TH: variants seen among roughly 807,000 people sequenced by gnomAD.
The protein encoded by TH is tyrosine 3-monooxygenase.
Under a neutral mutation model 57.4 loss-of-function variants are expected in TH, and 49 were observed. The ratio of observed to expected loss-of-function variants is 0.85; its 90% CI spans 0.68 to 1.08. The LOEUF is 1.08. TH is among the 50% of genes least tolerant of loss of function. The pLI is 0.00. For synonymous variants in TH, 330 were observed against 304.5 expected, an observed-to-expected ratio of 1.08 and a Z score of -0.87; for missense variants, 720 against 696.7, an observed-to-expected ratio of 1.03 and a Z score of -0.38.
At chr11:2,169,578 G>T (rs1372455397) in intron 2 of TH, 72 bp downstream of exon 2, 4 of 1,489,122 alleles carry the variant, frequency 2.7e-6, no homozygotes, top group Admixed American at 1.7e-5. Context: ...CTATAGAGGG[G>T]TCAGGAACTC....
rs753632777 is a variant in TH at position 2,164,237 on chromosome 11, C to A, written c.1490G>T (p.Gly497Val). ...DTLAHALSAI[G>V] Reference sequence around the variant, plus strand: ...GCCCTCAGGGACGCCGTGCACCTAGCCAATGGCACTCAGCGCATGGGCAAG... The same window carrying A: ...GCCCTCAGGGACGCCGTGCACCTAGACAATGGCACTCAGCGCATGGGCAAG... The change falls in exon 13 of 13, where the codon GGC becomes GTC. Residue 497 changes from glycine (G) to valine (V), a missense_variant. Transcript: ENST00000352909. The A allele has an allele frequency of 6.8e-7, 1 of 1,461,064 alleles. No individual in the cohort carries two copies. The highest frequency in any genetic ancestry group is 9.1e-7 in the Non-Finnish European group (1 of 1,102,300). The allele number at this position is 1,461,064 out of a possible 1,614,324, so 90.5% of individuals were successfully genotyped here.
chr11:2,165,351 C>T lies in TH; in HGVS notation c.1215G>A (p.Glu405=), dbSNP rs1590165298. 7 of 1,611,164 alleles carry T rather than the reference C, an allele frequency of 4.3e-6. No homozygotes were observed. The highest frequency in any genetic ancestry group is 4.5e-5 in the East Asian group (2 of 44,872). ...GGTCGAAGGCCCGAATCTCAGGCTC[C>T]TCAGACAGGCAGTGCTGGCAGGAGG... The part of the protein sequence containing the change: ...SYGELLHCLS[E]EPEIRAFDPE... Residue 405 remains glutamate (E), a synonymous_variant, in exon 12 of 13, where the codon GAG becomes GAA. Transcript: ENST00000352909.
Position 2,164,252 on chromosome 11 carries a change from G to T in TH, c.1475C>A (p.Ala492Glu). The T allele has an allele frequency of 1.3e-6, 2 of 1,481,978 alleles. No homozygotes were observed. The highest frequency in any genetic ancestry group is 5.0e-5 in the East Asian group (2 of 40,142). The allele number at this position is 1,481,978 out of a possible 1,614,324, so 91.8% of individuals were successfully genotyped here. Residue 492 changes from alanine (A) to glutamate (E), a missense_variant, in exon 13 of 13, where the codon GCG (alanine) becomes GAG (glutamate). Transcript: ENST00000352909. ...GTGCACCTAGCCAATGGCACTCAGC[G>T]CATGGGCAAGGGTGTCCAGCTCATC... is the stretch of plus-strand genomic sequence containing the variant. ...VQDELDTLAH[A>E]LSAIG
chr11:2,165,659 G>T lies in TH; in HGVS notation c.1200+9C>A. The stretch of plus-strand genomic sequence containing the variant: ...TCTGCTGGGGGCTGCAGCAAGGAGA[G>T]ACTCTCACCAGGAGCTCCCCGTAGG... On this transcript the variant is annotated intron_variant, in intron 11 of 12. Transcript: ENST00000352909. The T allele has an allele frequency of 6.2e-7, 1 of 1,612,440 alleles. No homozygotes were observed. Among genetic ancestry groups the T allele is most frequent in the South Asian group, 1.1e-5 (1 of 91,068 alleles).
intron 2 of TH, among the ~76,000 whole-genome samples, chr11:2,168,936 G>A (rs941353352): frequency 2.0e-5 from 3 of 152,158 alleles, no homozygotes; most frequent in Non-Finnish European, 2.9e-5. Context: ...TGGGCGGCTC[G>A]GTGTGTGTGT....
At position 2,169,759 on chromosome 11, in the gene TH, AG is replaced by A; in HGVS notation, c.202del (p.Leu68TrpfsTer15). The A allele has an allele frequency of 1.9e-6, 3 of 1,612,368 alleles. No individual in the cohort carries two copies. Among genetic ancestry groups the A allele is most frequent in the South Asian group, 1.1e-5 (1 of 91,064 alleles). On this transcript the variant is annotated frameshift_variant, in exon 2 of 13. Transcript: ENST00000352909. LOFTEE classifies it high-confidence loss of function. ...AAVPSEPGDP[L>X]EAVAFEEKEG... ...CTTCTCCTCAAAGGCCACAGCCTCCAGGGGGTCCCCGGGCTCCGAGGGGACT... is the reference window on the plus strand; with the variant it reads ...CTTCTCCTCAAAGGCCACAGCCTCCAGGGGTCCCCGGGCTCCGAGGGGACT...
rs1031644143 is a variant in TH at position 2,169,865 on chromosome 11, G to A, written c.97C>T (p.Arg33Trp). The A allele has an allele frequency of 3.6e-5, 58 of 1,609,186 alleles. No individual in the cohort carries two copies. The Admixed American group carries it at 3.7e-4, about 10-fold the overall frequency. ...AKQAEAIMSPRFIGRRQSLIE... is the reference protein window; with the variant it reads ...AKQAEAIMSPWFIGRRQSLIE... ...AGGCTCTGCCTGCGCCCAATGAACC[G>A]CGGGGACTGTGGGGACAAGGGGCAC... Residue 33 changes from arginine to tryptophan, a missense_variant, in exon 2 of 13, where the codon CGG becomes TGG. By Grantham distance (101) the Arg-to-Trp change is moderately radical (BLOSUM62 -3). Coordinates refer to ENST00000352909, the MANE Select transcript of TH (RefSeq NM_000360.4).
Position 2,170,860 on chromosome 11 carries a change from A to G in TH, c.90+837T>C. ...GGGAGGGCGCCCTGTGTCCCTGAGAAGGTACCTGGAAATGACACTGCTACA... is the reference window on the plus strand; with the variant it reads ...GGGAGGGCGCCCTGTGTCCCTGAGAGGGTACCTGGAAATGACACTGCTACA... On this transcript the variant is annotated intron_variant, in intron 1 of 12. Coordinates refer to ENST00000352909, the MANE Select transcript of TH (RefSeq NM_000360.4). The surrounding 1 kb of genome is among the most constrained non-coding windows in gnomAD (Gnocchi z 6.0). 1 of 652,612 alleles carries G rather than the reference A, an allele frequency of 1.5e-6. No individual in the cohort carries two copies. The highest frequency in any genetic ancestry group is 2.7e-5 in the Admixed American group (1 of 37,222). The allele number at this position is 652,612 out of a possible 1,614,324, so 40.4% of individuals were successfully genotyped here.
chr11:2,164,980 G>A (rs1182431302), intron 12 of TH, among the ~76,000 whole-genome samples: 1 of 152,184 alleles, frequency 6.6e-6, no homozygotes, highest in Non-Finnish European at 1.5e-5. Flanking sequence ...CTCAGGCTCT[G>A]TCAGCACCTC....
chr11:2,168,332 C>T (rs545034119), intron 3 of TH, among the ~76,000 whole-genome samples, 153 bp from the exon 4 acceptor site: 3 of 152,180 alleles, frequency 2.0e-5, no homozygotes, highest in South Asian at 2.1e-4. Flanking sequence ...GCCCCAGGCC[C>T]GGACACGGAT....
chr11:2,165,476 TC>T, intron 11 of TH, 111 bp from the exon 12 acceptor site: 1 of 1,527,208 alleles, frequency 6.5e-7, no homozygotes, highest in Non-Finnish European at 9.0e-7. Context: ...CACCCCCATC[TC>T]CCCCGCCGGG....
intron 2 of TH, among the ~76,000 whole-genome samples, chr11:2,169,241 G>A (rs1201339041): frequency 6.6e-6 from 1 of 152,136 alleles, no homozygotes; most frequent in African/African-American, 2.4e-5. Context: ...TGCCTCCCGG[G>A]GCACAGTGGG....
chr11:2,165,441 G>A (rs1288829859), intron 11 of TH, 76 bp from the exon 12 acceptor site: 95 of 1,593,344 alleles, frequency 6.0e-5, no homozygotes, highest in Middle Eastern at 1.8e-4. Flanking sequence ...GTGGCCTGAC[G>A]CTGGGTGGGT....
intron 6 of TH, 119 bp from the exon 7 acceptor site, chr11:2,167,151 C>T (rs1218779885): frequency 7.0e-7 from 1 of 1,428,906 alleles, no homozygotes; most frequent in East Asian, 2.5e-5. Context: ...TCTTGGGGAC[C>T]CCTGAAGACC....
In TH at chr11:2,170,880, G is replaced by A. The variant is rs899021518; in HGVS notation, c.90+817C>T. 15 of 621,188 alleles carry A rather than the reference G, an allele frequency of 2.4e-5. No homozygotes were observed. Among genetic ancestry groups the A allele is most frequent in the African/African-American group, 2.4e-4 (13 of 54,256 alleles). 38.5% of individuals were successfully genotyped at this position (621,188 alleles called of 1,614,324 possible). A position where few individuals can be genotyped will look rare whatever the true frequency, so the allele number is the denominator to read the frequency against. On this transcript the variant is annotated intron_variant, in intron 1 of 12. Transcript: ENST00000352909. The surrounding 1 kb of genome is among the most constrained non-coding windows in gnomAD (Gnocchi z 6.0). ...TGAGAAGGTACCTGGAAATGACACT[G>A]CTACAACTCACACCACATTTCAATC...
chr11:2,169,181 G>C, intron 2 of TH, among the ~76,000 whole-genome samples: 1 of 152,124 alleles, frequency 6.6e-6, no homozygotes, highest in South Asian at 2.1e-4. Context: ...GGGGGGCGGG[G>C]AGTCTGGCTT....
Position 2,170,799 on chromosome 11 carries a change from T to C in TH, c.90+898A>G. ...GGGAGGGGATGCCTGATGGGGAGCC[T>C]GGTGGGGGAGGGTAGGGGAGGGCGG... On this transcript the variant is annotated intron_variant, in intron 1 of 12. Transcript: ENST00000352909. The surrounding 1 kb of genome is among the most constrained non-coding windows in gnomAD (Gnocchi z 6.0). 1.2e-5 allele frequency: 1 copy of C among 85,078 alleles called. No individual in the cohort carries two copies. The highest frequency in any genetic ancestry group is 1.7e-5 in the Non-Finnish European group (1 of 58,062). The allele number at this position is 85,078 out of a possible 1,614,324, so 5.3% of individuals were successfully genotyped here.
At position 2,169,681 on chromosome 11, in the gene TH, G is replaced by C; in HGVS notation, c.281C>G (p.Ser94Trp). The part of the protein sequence containing the change: ...LLFSPRATKP[S>W]ALSRAVKVFE... Reference sequence around the variant, plus strand: ...CACCTTCACAGCTCGGGACAGCGCCGAGGGCTTGGTGGCCCTCGGGGAGAA... The same window carrying C: ...CACCTTCACAGCTCGGGACAGCGCCCAGGGCTTGGTGGCCCTCGGGGAGAA... Residue 94 changes from serine (S) to tryptophan (W), a missense_variant, in exon 2 of 13, where the codon TCG (serine) becomes TGG (tryptophan). Ser to Trp is a radical substitution (Grantham distance 177). Coordinates refer to ENST00000352909, the MANE Select transcript of TH (RefSeq NM_000360.4). 1 of 1,613,392 alleles carries C rather than the reference G, an allele frequency of 6.2e-7. No individual in the cohort carries two copies.
intron 2 of TH, 69 bp from the exon 3 acceptor site, chr11:2,168,734 G>A: frequency 3.7e-6 from 2 of 542,324 alleles, no homozygotes; most frequent in Non-Finnish European, 7.0e-6. Context: ...AGGGTGGGGT[G>A]GGCGGGGAGG....
Sources: allele counts gnomAD v4.1 joint callset (sites outside exome capture counted in the v4.1 genomes callset), GRCh38; gene constraint gnomAD v4.1.1; non-coding constraint Gnocchi (gnomAD v3.1); transcripts MANE v1.5; gene names NCBI Gene and HGNC (gene_info 2026-07-23, HGNC 2026-07-21).